The following ATP6V1H variants were observed in gnomAD, a reference collection of about 807,000 sequenced individuals.
ATP6V1H encodes V-type proton ATPase subunit H.
ATP6V1H carries 39 observed loss-of-function variants against 71.7 expected under a neutral mutation model. The observed-to-expected ratio is 0.54, with a 90% confidence interval of 0.42 to 0.71. The LOEUF (loss-of-function observed/expected upper bound fraction) is 0.71, where lower values mean the gene tolerates loss of function less well. Ranked by LOEUF, ATP6V1H falls within the 30% of genes least tolerant of loss-of-function variation. The pLI is 0.00. For synonymous variants in ATP6V1H, 192 were observed against 199.3 expected, an observed-to-expected ratio of 0.96 and a Z score of 0.31; for missense variants, 509 against 594.9, an observed-to-expected ratio of 0.86 and a Z score of 1.50.
Position 53,772,049 on chromosome 8 carries a change from T to G in ATP6V1H, c.989A>C (p.Asp330Ala), listed in dbSNP as rs1420730521. ...AAGAAATTTGATATCTTCGCTGATATCTTCATCATCGTACTTCTGCTGTTC... is the reference window on the plus strand; with the variant it reads ...AAGAAATTTGATATCTTCGCTGATAGCTTCATCATCGTACTTCTGCTGTTC... Reference protein sequence around the residue: ...NLEQQKYDDEDISEDIKFLLE... With the variant: ...NLEQQKYDDEAISEDIKFLLE... The change falls in exon 10 of 14, where the codon GAT becomes GCT. Residue 330 changes from aspartate (D) to alanine (A), a missense_variant. Asp to Ala is a moderately radical substitution (Grantham distance 126). Coordinates refer to ENST00000359530, the MANE Select transcript of ATP6V1H (RefSeq NM_015941.4). 2 of 1,614,026 alleles carry G rather than the reference T, an allele frequency of 1.2e-6. No homozygotes were observed. The highest frequency in any genetic ancestry group is 1.7e-6 in the Non-Finnish European group (2 of 1,180,000).
chr8:53,842,217 A>T (rs1249756615), intron 1 of ATP6V1H, among the ~76,000 whole-genome samples: 1 of 152,270 alleles, frequency 6.6e-6, no homozygotes, highest in East Asian at 1.9e-4. Context: ...ACAAAGTGGG[A>T]ACATAATTTC....
intron 13 of ATP6V1H, among the ~76,000 whole-genome samples, chr8:53,721,133 AG>A (rs1437941494): frequency 6.6e-6 from 1 of 152,210 alleles, no homozygotes; most frequent in African/African-American, 2.4e-5. Flanking sequence ...TATTTGGTAA[AG>A]GGGAAAAATA....
chr8:53,741,307 C>A (rs975678331), intron 13 of ATP6V1H, among the ~76,000 whole-genome samples: 17 of 152,142 alleles, frequency 1.1e-4, no homozygotes, highest in Non-Finnish European at 1.2e-4. Flanking sequence ...AGGTCAACAT[C>A]CTATTTCACA....
At chr8:53,778,663 C>CA (rs1808980833) in intron 9 of ATP6V1H, among the ~76,000 whole-genome samples, 6 of 151,878 alleles carry the variant, frequency 4.0e-5, no homozygotes, top group Admixed American at 3.9e-4. Context: ...GATAGAAGAA[C>CA]AAAAAACAGA....
At chr8:53,801,766 T>A (rs892991492) in intron 8 of ATP6V1H, 33 bp downstream of exon 8, 27 of 1,508,160 alleles carry the variant, frequency 1.8e-5, no homozygotes, top group Non-Finnish European at 2.5e-5. Flanking sequence ...TGCTTGTAAA[T>A]GTTATTTTAC....
intron 6 of ATP6V1H, among the ~76,000 whole-genome samples, chr8:53,813,207 T>G (rs1044543115): frequency 6.6e-6 from 1 of 152,194 alleles, no homozygotes; most frequent in Non-Finnish European, 1.5e-5. Flanking sequence ...GTAAAAACGC[T>G]TTTTAAAACC....
At chr8:53,738,296 C>CA (rs59924832) in intron 13 of ATP6V1H, among the ~76,000 whole-genome samples, 18,472 of 100,550 alleles carry the variant, frequency 0.18, 2,037 homozygotes, top group East Asian at 0.49. Flanking sequence ...GACTCTGCCT[C>CA]AAAAAAAAAA....
intron 12 of ATP6V1H, among the ~76,000 whole-genome samples, chr8:53,745,325 C>G (rs1023578450): frequency 2.6e-5 from 4 of 152,008 alleles, no homozygotes; most frequent in African/African-American, 9.7e-5. Flanking sequence ...TGCTTGAGCC[C>G]AGTTCAAGGT....
chr8:53,827,200 T>A (rs893236501), intron 4 of ATP6V1H, among the ~76,000 whole-genome samples: 30 of 151,824 alleles, frequency 2.0e-4, no homozygotes, highest in African/African-American at 7.3e-4. Flanking sequence ...CTGGCCAACA[T>A]GGTGAAACCT....
rs562828298 is a variant in ATP6V1H, at chr8:53,803,336, CA to C, written c.580-1441del. On this transcript the variant is annotated intron_variant, in intron 7 of 13. Coordinates refer to ENST00000359530, the MANE Select transcript of ATP6V1H (RefSeq NM_015941.4). ...TGGGTGACAGAGTGAGACTCTATCT[CA>C]AAAAAAAAATAAAAACAGAAGAAGA... Among the ~76,000 whole-genome samples, 343 of 142,436 alleles carry C rather than the reference CA, an allele frequency of 2.4e-3. 2 individuals carry two copies. The highest frequency in any genetic ancestry group is 8.4e-3 in the African/African-American group (324 of 38,654). 93.4% of individuals were successfully genotyped at this position (142,436 alleles called of 152,430 possible). A position where few individuals can be genotyped will look rare whatever the true frequency, so the allele number is the denominator to read the frequency against.
chr8:53,753,427 G>A (rs12056486), intron 12 of ATP6V1H, among the ~76,000 whole-genome samples: 19,291 of 152,184 alleles, frequency 0.13, 1,854 homozygotes, highest in East Asian at 0.37. Flanking sequence ...AAGGCAGGGA[G>A]AAAGAAAGGA....
intron 12 of ATP6V1H, among the ~76,000 whole-genome samples, chr8:53,744,431 G>A (rs976342718): frequency 1.3e-5 from 2 of 152,212 alleles, no homozygotes; most frequent in African/African-American, 4.8e-5. Flanking sequence ...CAAAGGTGTG[G>A]TTACAGACAG....
At chr8:53,754,954 A>C (rs1338152498) in intron 12 of ATP6V1H, among the ~76,000 whole-genome samples, 1 of 152,220 alleles carries the variant, frequency 6.6e-6, no homozygotes, top group African/African-American at 2.4e-5. Context: ...GAATTAGGGA[A>C]GTACAGAGCC....
intron 13 of ATP6V1H, among the ~76,000 whole-genome samples, chr8:53,742,057 T>A (rs1180803191): frequency 6.6e-6 from 1 of 151,810 alleles, no homozygotes; most frequent in Admixed American, 6.6e-5. Context: ...ATCCTTGCAA[T>A]GGTTTTCAAC....
At position 53,716,420 on chromosome 8, in the gene ATP6V1H, C is replaced by T. The variant is rs199748744; in HGVS notation, c.1392-396G>A. On this transcript the variant is annotated intron_variant, in intron 13 of 13. Coordinates refer to ENST00000359530, the MANE Select transcript of ATP6V1H (RefSeq NM_015941.4). ...AAGAAGTTCAACATCACCTCAATTA[C>T]GATTCTGAATGACCTCATAAATGAA... is the stretch of plus-strand genomic sequence containing the variant. Among the ~76,000 whole-genome samples the T allele has an allele frequency of 1.4e-4, 22 of 152,314 alleles. No individual in the cohort carries two copies. The East Asian group carries it at 4.0e-3, about 28-fold the overall frequency.
At chr8:53,832,138 G>C (rs1054354086) in intron 3 of ATP6V1H, 5 of 152,026 alleles carry the variant, frequency 3.3e-5, no homozygotes, top group African/African-American at 1.2e-4. Context: ...AGAATATACA[G>C]TTAAATGAAA....
chr8:53,839,588 TTC>T, intron 2 of ATP6V1H: 1 of 984,730 alleles, frequency 1.0e-6, no homozygotes, highest in Non-Finnish European at 1.2e-6. Context: ...CTGCTATAGC[TTC>T]TCTCTACCTC....
chr8:53,720,755 T>A (rs1206196158), intron 13 of ATP6V1H, among the ~76,000 whole-genome samples: 1 of 152,228 alleles, frequency 6.6e-6, no homozygotes, highest in African/African-American at 2.4e-5. Context: ...ACAAATATAT[T>A]AATCAATGAA....
intron 13 of ATP6V1H, among the ~76,000 whole-genome samples, chr8:53,724,419 C>G (rs1019086815): frequency 7.9e-5 from 12 of 152,144 alleles, no homozygotes; most frequent in African/African-American, 2.7e-4. Context: ...ACCCTTTCAT[C>G]TTAGTATGCC....
Sources: allele counts gnomAD v4.1 joint callset (sites outside exome capture counted in the v4.1 genomes callset), GRCh38; gene constraint gnomAD v4.1.1; transcripts MANE v1.5; gene names NCBI Gene and HGNC (gene_info 2026-07-23, HGNC 2026-07-21).